The following STX8 variants were observed in gnomAD, a reference collection of about 807,000 sequenced individuals.
The protein encoded by STX8 is syntaxin 8.
A neutral mutation model predicts 37.5 loss-of-function variants in STX8; 23 were observed. The ratio of observed to expected loss-of-function variants is 0.61; its 90% CI spans 0.44 to 0.87. The LOEUF is 0.87. Ranked by LOEUF, STX8 falls within the 40% of genes least tolerant of loss-of-function variation. The probability of loss-of-function intolerance (pLI) is 0.00; values close to 1 mark genes in which losing one functional copy is unlikely to be tolerated. For missense variants in STX8, 313 were observed against 284.7 expected, an observed-to-expected ratio of 1.10 and a Z score of -0.71; for synonymous variants, 115 against 99.1, an observed-to-expected ratio of 1.16 and a Z score of -0.95.
At chr17:9,491,311 C>G (rs1906842849) in intron 6 of STX8, among the ~76,000 whole-genome samples, 2 of 151,998 alleles carry the variant, frequency 1.3e-5, no homozygotes, top group Non-Finnish European at 2.9e-5. Flanking sequence ...AAGCCAAGAG[C>G]CTTGCAGATG....
intron 1 of STX8, among the ~76,000 whole-genome samples, chr17:9,575,423 A>G (rs1389138523): frequency 6.6e-6 from 1 of 152,202 alleles, no homozygotes; most frequent in Non-Finnish European, 1.5e-5. Context: ...GACATGCTAC[A>G]AAAACGTTAT....
At chr17:9,402,010 T>A (rs1388593518) in intron 6 of STX8, among the ~76,000 whole-genome samples, 1 of 152,186 alleles carries the variant, frequency 6.6e-6, no homozygotes, top group Non-Finnish European at 1.5e-5. Flanking sequence ...GAGGCAGGGA[T>A]TTACAGGCAG....
chr17:9,522,340 T>A (rs187034435), intron 4 of STX8, among the ~76,000 whole-genome samples: 1 of 152,084 alleles, frequency 6.6e-6, no homozygotes, highest in Non-Finnish European at 1.5e-5. Context: ...CTCTATTACA[T>A]GATGCATGCA....
intron 6 of STX8, among the ~76,000 whole-genome samples, chr17:9,456,999 G>T (rs1158186543): frequency 2.0e-5 from 3 of 152,126 alleles, no homozygotes; most frequent in Non-Finnish European, 4.4e-5. Context: ...AGCTGTGGCT[G>T]CAAGTAGCAG....
At chr17:9,338,805 C>T (rs1910228194) in intron 7 of STX8, among the ~76,000 whole-genome samples, 1 of 152,194 alleles carries the variant, frequency 6.6e-6, no homozygotes, top group Non-Finnish European at 1.5e-5. Flanking sequence ...GATGACGTGG[C>T]TTACGCCTGT....
Position 9,273,618 on chromosome 17 carries a change from G to A in STX8, c.644-22973C>T, listed in dbSNP as rs1239244604. On this transcript the variant is annotated intron_variant, in intron 7 of 7. Coordinates refer to ENST00000306357, the MANE Select transcript of STX8 (RefSeq NM_004853.3). ...TCGTCCCACATCCTTTCCTCATGGC[G>A]CTACGCAGGTTAACACTGTCTGACT... Among the ~76,000 whole-genome samples the A allele has an allele frequency of 2.6e-5, 4 of 152,230 alleles. No homozygotes were observed. In the East Asian group the frequency reaches 5.8e-4, roughly 22 times the overall value.
chr17:9,472,741 C>T lies in STX8; in HGVS notation c.541+19088G>A, dbSNP rs142839835. ...GAATGAAGTTCAGGGGAAAGGAAGC[C>T]GGGTGAGTCACCCAGGCCAGCTGTC... On this transcript the variant is annotated intron_variant, in intron 6 of 7. Coordinates refer to ENST00000306357, the MANE Select transcript of STX8 (RefSeq NM_004853.3). Among the ~76,000 whole-genome samples, 6 of 152,308 alleles carry T rather than the reference C, an allele frequency of 3.9e-5. No individual in the cohort carries two copies. In the East Asian group the frequency reaches 7.7e-4, roughly 20 times the overall value.
In STX8 at chr17:9,421,723, C is replaced by A. The variant is rs143911541; in HGVS notation, c.542-43070G>T. ...CTTCTTTCCTCACTCCAAAAGGAAA[C>A]CCATACCACTTAAGCAGCTGCTCCC... On this transcript the variant is annotated intron_variant, in intron 6 of 7. Transcript: ENST00000306357. Among the ~76,000 whole-genome samples, 1,327 of 152,246 alleles carry A rather than the reference C, an allele frequency of 8.7e-3. 27 individuals carry two copies. The highest frequency in any genetic ancestry group is 0.068 in the South Asian group (329 of 4,830).
At chr17:9,262,467 A>G (rs999890266) in intron 7 of STX8, among the ~76,000 whole-genome samples, 1 of 152,148 alleles carries the variant, frequency 6.6e-6, no homozygotes, top group East Asian at 1.9e-4. Flanking sequence ...TTGTCTTTAT[A>G]CTTGGTTGGC....
At chr17:9,320,058 T>A in intron 7 of STX8, among the ~76,000 whole-genome samples, 1 of 147,708 alleles carries the variant, frequency 6.8e-6, no homozygotes. Flanking sequence ...ACTGGCCAGG[T>A]GCTGTGTGGC....
intron 7 of STX8, among the ~76,000 whole-genome samples, chr17:9,276,916 G>A (rs1907697567): frequency 6.6e-6 from 1 of 151,750 alleles, no homozygotes; most frequent in African/African-American, 2.4e-5. Flanking sequence ...GATTACAGGT[G>A]TGAGCCACTG....
intron 7 of STX8, among the ~76,000 whole-genome samples, chr17:9,256,798 A>G (rs1168072943): frequency 6.6e-6 from 1 of 152,222 alleles, no homozygotes; most frequent in Non-Finnish European, 1.5e-5. Context: ...ATGGGACCTC[A>G]CATCGTACTC....
At chr17:9,520,398 A>AT (rs549925350) in intron 4 of STX8, among the ~76,000 whole-genome samples, 3 of 152,200 alleles carry the variant, frequency 2.0e-5, no homozygotes, top group Non-Finnish European at 4.4e-5. Flanking sequence ...AGTAAGAGGC[A>AT]TTTTTCCTCT....
At chr17:9,394,505 C>T (rs986531842) in intron 6 of STX8, among the ~76,000 whole-genome samples, 2 of 151,480 alleles carry the variant, frequency 1.3e-5, no homozygotes, top group Admixed American at 6.6e-5. Flanking sequence ...GCTGGGATTA[C>T]AGGCGCCCGC....
At chr17:9,320,185 T>A (rs1909528234) in intron 7 of STX8, among the ~76,000 whole-genome samples, 1 of 151,380 alleles carries the variant, frequency 6.6e-6, no homozygotes, top group Admixed American at 6.6e-5. Flanking sequence ...ATACAAAAAA[T>A]AACTGGGCAT....
intron 7 of STX8, among the ~76,000 whole-genome samples, chr17:9,285,776 AAC>A (rs1188777112): frequency 6.6e-6 from 1 of 152,246 alleles, no homozygotes; most frequent in Admixed American, 6.5e-5. Flanking sequence ...GTCATAAATG[AAC>A]ACATTGTTTA....
chr17:9,491,732 T>C (rs1906859145), intron 6 of STX8, 97 bp downstream of exon 6: 4 of 1,068,688 alleles, frequency 3.7e-6, no homozygotes, highest in Admixed American at 4.2e-5. Flanking sequence ...ATTAAACCAC[T>C]TTACATGTTG....
chr17:9,505,448 AAAG>A (rs1904787936), intron 4 of STX8, among the ~76,000 whole-genome samples: 1 of 152,170 alleles, frequency 6.6e-6, no homozygotes, highest in African/African-American at 2.4e-5. Context: ...AATAATCCTA[AAAG>A]AAGTTGGTAA....
intron 6 of STX8, among the ~76,000 whole-genome samples, chr17:9,414,449 G>A (rs993960083): frequency 3.3e-5 from 5 of 152,062 alleles, no homozygotes; most frequent in Non-Finnish European, 7.4e-5. Context: ...AACACCAAAT[G>A]TTATAAAAGT....
Sources: gnomAD v4.1 joint callset for allele counts (sites outside exome capture counted in the v4.1 genomes callset) on GRCh38, gnomAD v4.1.1 for gene constraint, MANE v1.5 for transcripts, NCBI Gene and HGNC (gene_info 2026-07-23, HGNC 2026-07-21) for gene names.